Variants in ZNF608 observed in about 807,000 individuals in gnomAD.
The protein encoded by ZNF608 is renal carcinoma antigen NY-REN-36.
A neutral mutation model predicts 109.0 loss-of-function variants in ZNF608; 12 were observed. That is an observed-to-expected ratio of 0.11 (90% CI 0.07 to 0.18). The LOEUF (loss-of-function observed/expected upper bound fraction) is 0.18, where lower values mean the gene tolerates loss of function less well. Among genes scored for constraint, ZNF608 ranks in the 10% least tolerant of loss-of-function variants. The pLI, the probability that ZNF608 is intolerant of heterozygous loss-of-function variation, is 1.00. For synonymous variants in ZNF608, 732 were observed against 717.4 expected (o/e 1.02, Z -0.33); for missense variants, 1,707 against 1,879.3 (o/e 0.91, Z 1.70).
At chr5:124,747,597 C>G (rs911272592), upstream of ZNF608, among the ~76,000 whole-genome samples, 3 of 150,328 alleles carry the variant, frequency 2.0e-5, no homozygotes, top group Non-Finnish European at 4.4e-5. Context: ...AGCTGAAAGT[C>G]TCTCCCCTCC....
chr5:124,731,399 G>C (rs1748892447), intron 2 of ZNF608, among the ~76,000 whole-genome samples: 1 of 152,106 alleles, frequency 6.6e-6, no homozygotes, highest in Non-Finnish European at 1.5e-5. Context: ...TTTTAGTACA[G>C]ACGGGGTTTC....
At chr5:124,700,260 A>C (rs1000019869) in intron 3 of ZNF608, among the ~76,000 whole-genome samples, 11 of 152,216 alleles carry the variant, frequency 7.2e-5, no homozygotes, top group African/African-American at 2.7e-4. Context: ...TGGCCATATG[A>C]AACACTTCAT....
chr5:124,644,253 T>A lies in ZNF608; in HGVS notation c.4114A>T (p.Ser1372Cys). Residue 1372 changes from serine to cysteine, a missense_variant, in exon 6 of 10, where the codon AGT (serine) becomes TGT (cysteine). By Grantham distance (112) the Ser-to-Cys change is moderately radical (BLOSUM62 -1). Coordinates refer to ENST00000513986, the MANE Select transcript of ZNF608 (RefSeq NM_020747.3). Reference sequence around the variant, plus strand: ...AACCGACAACACGTACCAGGATAACTGTGCATTAGGACGGGAGAAACAGCC... The same window carrying A: ...AACCGACAACACGTACCAGGATAACAGTGCATTAGGACGGGAGAAACAGCC... ...YRAVSPVLMH[S>C]YPGAYLSPGF... 6.2e-7 allele frequency: 1 copy of A among 1,606,568 alleles called. No individual in the cohort carries two copies. Among genetic ancestry groups the A allele is most frequent in the Non-Finnish European group, 8.5e-7 (1 of 1,173,918 alleles).
Position 124,647,520 on chromosome 5 carries a change from G to C in ZNF608, c.2864C>G (p.Ser955Trp), listed in dbSNP as rs770673180. ...ACTGGCCTTTGATCTCATACCCTCC[G>C]ACCTGCTGTCAGAACCACCATCGTC... ...AADDGGSDSR[S>W]EGMRSKASSP... Residue 955 changes from serine (S) to tryptophan (W), a missense_variant, in exon 5 of 10, where the codon TCG becomes TGG. Transcript: ENST00000513986. 6.2e-7 allele frequency: 1 copy of C among 1,614,056 alleles called. No homozygotes were observed. The highest frequency in any genetic ancestry group is 8.5e-7 in the Non-Finnish European group (1 of 1,179,996).
intron 3 of ZNF608, among the ~76,000 whole-genome samples, chr5:124,655,426 GT>G (rs1327106576): frequency 6.6e-6 from 1 of 152,150 alleles, no homozygotes; most frequent in Non-Finnish European, 1.5e-5. Flanking sequence ...TCAGACAGAA[GT>G]TTTTTTGAAC....
intron 3 of ZNF608, among the ~76,000 whole-genome samples, chr5:124,673,318 T>C (rs1157752634): frequency 6.6e-6 from 1 of 152,216 alleles, no homozygotes; most frequent in African/African-American, 2.4e-5. Flanking sequence ...TGGTTATAGA[T>C]AGAAATACAG....
chr5:124,659,342 G>A (rs1022594353), intron 3 of ZNF608, among the ~76,000 whole-genome samples: 2 of 152,158 alleles, frequency 1.3e-5, no homozygotes, highest in Non-Finnish European at 2.9e-5. Flanking sequence ...GTAGAAGGGT[G>A]TAAAATGCTC....
chr5:124,685,780 C>G (rs1187362639), intron 3 of ZNF608, among the ~76,000 whole-genome samples: 1 of 152,170 alleles, frequency 6.6e-6, no homozygotes, highest in East Asian at 1.9e-4. Flanking sequence ...AGATCCCTCC[C>G]AAGCCATCAC....
rs1749151127 is a variant in ZNF608, at chr5:124,736,440, G to C, written c.906+7644C>G. 4.0e-5 allele frequency among the ~76,000 whole-genome samples: 6 copies of C among 151,860 alleles called. No individual in the cohort carries two copies. The South Asian group carries it at 1.2e-3, about 31-fold the overall frequency. On this transcript the variant is annotated intron_variant, in intron 2 of 9. Transcript: ENST00000513986. ...AAACTGGTCTGGCTATGCACGCTTT[G>C]GAAAAAAAAGTTAGAAGATGCTTTC...
intron 1 of ZNF608, 111 bp from the exon 2 acceptor site, chr5:124,745,283 G>A (rs1307396747): frequency 2.0e-6 from 2 of 988,692 alleles, no homozygotes; most frequent in Admixed American, 8.2e-5. Flanking sequence ...GGAGAGTAAG[G>A]TGGCTCATGT....
At chr5:124,681,472 AAAG>A (rs1298318893) in intron 3 of ZNF608, among the ~76,000 whole-genome samples, 3 of 152,058 alleles carry the variant, frequency 2.0e-5, no homozygotes, top group Admixed American at 6.5e-5. Flanking sequence ...ATAGAAAAGA[AAAG>A]AAAAAAAGAA....
intron 3 of ZNF608, among the ~76,000 whole-genome samples, chr5:124,649,898 TCGTGCG>T (rs1314147102): frequency 6.6e-6 from 1 of 152,254 alleles, no homozygotes; most frequent in Non-Finnish European, 1.5e-5. Context: ...TGTTGTGCAT[TCGTGCG>T]CGTGCGCATG....
At chr5:124,700,666 G>T (rs769469709) in intron 3 of ZNF608, among the ~76,000 whole-genome samples, 13 of 152,208 alleles carry the variant, frequency 8.5e-5, no homozygotes, top group Non-Finnish European at 1.8e-4. Flanking sequence ...AGACACATTT[G>T]TTGGCACCCT....
chr5:124,641,318 T>A lies in ZNF608; in HGVS notation c.4384A>T (p.Thr1462Ser). 2 of 1,614,004 alleles carry A rather than the reference T, an allele frequency of 1.2e-6. No homozygotes were observed. Among genetic ancestry groups the A allele is most frequent in the South Asian group, 1.1e-5 (1 of 91,068 alleles). ...ATGCCAACGTGGGTGTGGTGGTGCG[T>A]GTGCAGGTGCCGCTGGCCGAAGGGG... The part of the protein sequence containing the change: ...HSPFGQRHLH[T>S]HHHTHVGMGY... The change falls in exon 8 of 10, where the codon ACG (threonine) becomes TCG (serine). Residue 1462 changes from threonine to serine, a missense_variant. Transcript: ENST00000513986.
rs1194972859 is a variant in ZNF608, at chr5:124,744,572, G to T, written c.418C>A (p.Gln140Lys). The T allele has an allele frequency of 6.2e-7, 1 of 1,614,096 alleles. No homozygotes were observed. The highest frequency in any genetic ancestry group is 8.5e-7 in the Non-Finnish European group (1 of 1,180,048). Residue 140 changes from glutamine (Q) to lysine (K), a missense_variant, in exon 2 of 10, where the codon CAA becomes AAA. This residue lies in a region of ZNF608 where 407 missense variants were observed against 398.7 expected (regional missense o/e 1.02). Coordinates refer to ENST00000513986, the MANE Select transcript of ZNF608 (RefSeq NM_020747.3). The surrounding 1 kb of genome is among the most constrained non-coding windows in gnomAD (Gnocchi z 4.5). ...ISSTGKRQEVQGRPGEATGMN... is the reference protein window; with the variant it reads ...ISSTGKRQEVKGRPGEATGMN... ...CCAGTTGCCTCTCCAGGGCGCCCTT[G>T]GACTTCCTGCCTCTTGCCAGTGCTG...
chr5:124,642,151 A>C (rs545528960), intron 7 of ZNF608, among the ~76,000 whole-genome samples: 1 of 152,212 alleles, frequency 6.6e-6, no homozygotes. Flanking sequence ...ACTCACACAC[A>C]TTGCAGATAC....
chr5:124,699,584 G>T (rs926016494), intron 3 of ZNF608, among the ~76,000 whole-genome samples: 1 of 152,106 alleles, frequency 6.6e-6, no homozygotes, highest in African/African-American at 2.4e-5. Flanking sequence ...CTTGTGTATT[G>T]TCTTTATTTA....
At chr5:124,667,818 C>T (rs1411438084) in intron 3 of ZNF608, among the ~76,000 whole-genome samples, 1 of 152,148 alleles carries the variant, frequency 6.6e-6, no homozygotes, top group Non-Finnish European at 1.5e-5. Flanking sequence ...TGCCCAACAT[C>T]ACATAGGCAG....
intron 3 of ZNF608, among the ~76,000 whole-genome samples, chr5:124,680,173 T>C (rs1752135452): frequency 6.6e-6 from 1 of 151,922 alleles, no homozygotes; most frequent in African/African-American, 2.4e-5. Flanking sequence ...ACCACAATAA[T>C]GATAAATTAA....
Sources: gnomAD v4.1 joint callset for allele counts (sites outside exome capture counted in the v4.1 genomes callset) on GRCh38, gnomAD v4.1.1 for gene constraint, gnomAD v4.1.1 regional missense constraint, Gnocchi (gnomAD v3.1) non-coding constraint, MANE v1.5 for transcripts, NCBI Gene and HGNC (gene_info 2026-07-23, HGNC 2026-07-21) for gene names.